The following YES1 variants were observed in gnomAD, a reference collection of about 807,000 sequenced individuals.
The protein encoded by YES1 is YES proto-oncogene 1, Src family tyrosine kinase.
In YES1, 39 loss-of-function variants were observed where a neutral mutation model predicts 70.4. That is an observed-to-expected ratio of 0.55 (90% CI 0.43 to 0.72). The LOEUF (loss-of-function observed/expected upper bound fraction) is 0.72, where lower values mean the gene tolerates loss of function less well. Among genes scored for constraint, YES1 ranks in the 30% least tolerant of loss-of-function variants. The probability of loss-of-function intolerance (pLI) is 0.00; values close to 1 mark genes in which losing one functional copy is unlikely to be tolerated. For synonymous variants in YES1, 198 were observed against 218.6 expected (o/e 0.91, Z 0.83); for missense variants, 495 against 644.8 (o/e 0.77, Z 2.52).
At position 804,957 on chromosome 18, in the gene YES1, A is replaced by C. The variant is rs191679728; in HGVS notation, c.-9+7157T>G. Among the ~76,000 whole-genome samples the C allele has an allele frequency of 5.6e-3, 846 of 151,728 alleles. 5 individuals are homozygous for C. Among genetic ancestry groups the C allele is most frequent in the Non-Finnish European group, 7.2e-3 (492 of 67,902 alleles). The stretch of plus-strand genomic sequence containing the variant: ...CCAAAAACCTAGCATAGTAGTATAA[A>C]TGTTTGCTTAATTAGTAGAACTGCA... On this transcript the variant is annotated intron_variant, in intron 1 of 11. Transcript: ENST00000314574.
chr18:745,443 TG>T (rs1352655134), intron 6 of YES1, among the ~76,000 whole-genome samples: 1 of 152,208 alleles, frequency 6.6e-6, no homozygotes, highest in Admixed American at 6.5e-5. Context: ...ATAAGGTACA[TG>T]TGGTGAAATG....
At chr18:765,924 G>T (rs1292263391) in intron 1 of YES1, among the ~76,000 whole-genome samples, 4 of 152,122 alleles carry the variant, frequency 2.6e-5, no homozygotes, top group African/African-American at 9.7e-5. Context: ...AATAATAAGT[G>T]AGCCATGAAA....
At chr18:779,022 A>C (rs1905522919) in intron 1 of YES1, among the ~76,000 whole-genome samples, 1 of 152,178 alleles carries the variant, frequency 6.6e-6, no homozygotes, top group South Asian at 2.1e-4. Flanking sequence ...CCTTAAAGTA[A>C]CCCAACTCCT....
chr18:785,618 A>G (rs1279299260), intron 1 of YES1, among the ~76,000 whole-genome samples: 3 of 152,104 alleles, frequency 2.0e-5, no homozygotes, highest in Non-Finnish European at 1.5e-5. Context: ...CTTAATCCAC[A>G]ATGCAACAGT....
intron 1 of YES1, among the ~76,000 whole-genome samples, chr18:803,412 A>T (rs1339154688): frequency 1.3e-5 from 2 of 152,182 alleles, no homozygotes; most frequent in Admixed American, 6.5e-5. Flanking sequence ...GGTGGGAAAT[A>T]AAAAAAGCAC....
intron 7 of YES1, 65 bp from the exon 8 acceptor site, chr18:743,162 A>C (rs2080235061): frequency 6.5e-7 from 1 of 1,548,918 alleles, no homozygotes; most frequent in African/African-American, 1.4e-5. Flanking sequence ...TTCAGTGAAC[A>C]GCACTTCTCT....
At chr18:727,337 C>T (rs2080032832) in intron 11 of YES1, among the ~76,000 whole-genome samples, 1 of 152,070 alleles carries the variant, frequency 6.6e-6, no homozygotes, top group Non-Finnish European at 1.5e-5. Flanking sequence ...TAATTTCAGT[C>T]TCCTAAAATA....
In YES1 at chr18:789,765, TA is replaced by T. The variant is rs1173090770; in HGVS notation, c.-9+22348del. On this transcript the variant is annotated intron_variant, in intron 1 of 11. Transcript: ENST00000314574. ...AACAAAATTAGGAGAATTTACAATCTAAAAAAAAAAATGGCCAGGCACAGTG... is the reference window on the plus strand; with the variant it reads ...AACAAAATTAGGAGAATTTACAATCTAAAAAAAAAATGGCCAGGCACAGTG... 4.2e-4 allele frequency among the ~76,000 whole-genome samples: 60 copies of T among 144,138 alleles called. 1 individual carries two copies. Among genetic ancestry groups the T allele is most frequent in the Middle Eastern group, 3.8e-3 (1 of 262 alleles). The allele number at this position is 144,138 out of a possible 152,430, so 94.6% of individuals were successfully genotyped here.
At chr18:775,456 C>G (rs1905331101) in intron 1 of YES1, among the ~76,000 whole-genome samples, 1 of 152,138 alleles carries the variant, frequency 6.6e-6, no homozygotes, top group South Asian at 2.1e-4. Flanking sequence ...ATTACCTTGA[C>G]TTCTAACATT....
At chr18:802,216 T>TCCAG (rs1906860950) in intron 1 of YES1, among the ~76,000 whole-genome samples, 1 of 152,062 alleles carries the variant, frequency 6.6e-6, no homozygotes, top group African/African-American at 2.4e-5. Flanking sequence ...GCCACTGCAC[T>TCCAG]CCAGCCTGGG....
intron 1 of YES1, among the ~76,000 whole-genome samples, chr18:767,028 T>C (rs1018880827): frequency 1.3e-5 from 2 of 152,168 alleles, no homozygotes; most frequent in African/African-American, 2.4e-5. Context: ...GGAAAATTCT[T>C]CACCAGAAGA....
intron 1 of YES1, among the ~76,000 whole-genome samples, chr18:759,438 G>C (rs1383215755): frequency 6.6e-6 from 1 of 152,200 alleles, no homozygotes; most frequent in Non-Finnish European, 1.5e-5. Flanking sequence ...TTGCACTCCA[G>C]CCTGGGCGAC....
At chr18:760,406 G>T (rs1172728981) in intron 1 of YES1, among the ~76,000 whole-genome samples, 1 of 152,086 alleles carries the variant, frequency 6.6e-6, no homozygotes, top group African/African-American at 2.4e-5. Flanking sequence ...GGAGGCGGAG[G>T]TTGCAGTAAG....
intron 1 of YES1, among the ~76,000 whole-genome samples, chr18:784,280 CACTA>C (rs1379251214): frequency 6.6e-6 from 1 of 152,134 alleles, no homozygotes; most frequent in Non-Finnish European, 1.5e-5. Context: ...ACATTGGATG[CACTA>C]ACTGATTTAA....
At chr18:764,845 G>A (rs1444152645) in intron 1 of YES1, among the ~76,000 whole-genome samples, 2 of 151,876 alleles carry the variant, frequency 1.3e-5, no homozygotes, top group Non-Finnish European at 2.9e-5. Flanking sequence ...CGATTCTCCT[G>A]CCTCAGCCTC....
chr18:729,904 C>T (rs764949456), intron 11 of YES1, among the ~76,000 whole-genome samples: 7 of 152,130 alleles, frequency 4.6e-5, no homozygotes, highest in Admixed American at 1.3e-4. Flanking sequence ...GGATTACAGG[C>T]GTGAGCCACA....
At chr18:764,002 C>A (rs952294097) in intron 1 of YES1, among the ~76,000 whole-genome samples, 27 of 151,662 alleles carry the variant, frequency 1.8e-4, no homozygotes, top group African/African-American at 5.1e-4. Context: ...GCACTGTAGT[C>A]CCAGCTACTC....
chr18:805,764 T>C (rs915431920), intron 1 of YES1, among the ~76,000 whole-genome samples: 30 of 152,330 alleles, frequency 2.0e-4, no homozygotes, highest in Non-Finnish European at 1.2e-4. Context: ...GAACAAAAGT[T>C]AGAAGTCAAT....
intron 1 of YES1, among the ~76,000 whole-genome samples, chr18:811,732 G>A (rs1301246054): frequency 6.6e-6 from 1 of 152,160 alleles, no homozygotes; most frequent in Non-Finnish European, 1.5e-5. Context: ...GGACCCAAAG[G>A]GGCCGCTTCC....
Sources: allele counts gnomAD v4.1 joint callset (sites outside exome capture counted in the v4.1 genomes callset), GRCh38; gene constraint gnomAD v4.1.1; transcripts MANE v1.5; gene names NCBI Gene and HGNC (gene_info 2026-07-23, HGNC 2026-07-21).